Variants in HECW2 observed in about 807,000 individuals in gnomAD.
The protein encoded by HECW2 is E3 ubiquitin-protein ligase HECW2.
In HECW2, 61 loss-of-function variants were observed where a neutral mutation model predicts 175.2. The ratio of observed to expected loss-of-function variants is 0.35; its 90% CI spans 0.28 to 0.43. The LOEUF is 0.43. Ranked by LOEUF, HECW2 falls within the 20% of genes least tolerant of loss-of-function variation. HECW2 has a pLI of 1.00. For synonymous variants in HECW2, 671 were observed against 731.0 expected (o/e 0.92, Z 1.32); for missense variants, 1,524 against 2,000.5 (o/e 0.76, Z 4.54).
intron 15 of HECW2, among the ~76,000 whole-genome samples, chr2:196,277,735 A>G (rs1690010952): frequency 6.6e-6 from 1 of 152,180 alleles, no homozygotes; most frequent in Non-Finnish European, 1.5e-5. Context: ...CCAAATGTCC[A>G]ACAATGATAG....
At chr2:196,290,245 G>A (rs1198624465) in intron 14 of HECW2, 2 of 152,212 alleles carry the variant, frequency 1.3e-5, no homozygotes, top group African/African-American at 4.8e-5. Context: ...GTATAGTCAT[G>A]TTATGAACAT....
At chr2:196,592,829 G>A (rs1691253985) in intron 1 of HECW2, 1 of 150,740 alleles carries the variant, frequency 6.6e-6, no homozygotes, top group African/African-American at 2.4e-5. Context: ...CGGGGCGGGA[G>A]GGCGCCCCCA....
intron 18 of HECW2, among the ~76,000 whole-genome samples, chr2:196,255,870 C>T (rs866020524): frequency 1.3e-5 from 2 of 152,242 alleles, no homozygotes; most frequent in African/African-American, 2.4e-5. Context: ...CTCAGGAGTT[C>T]TTGTCCAGCC....
chr2:196,257,250 A>C (rs1046771665), intron 18 of HECW2, among the ~76,000 whole-genome samples: 2 of 149,496 alleles, frequency 1.3e-5, no homozygotes, highest in Non-Finnish European at 3.0e-5. Context: ...AAAATTTAAA[A>C]CCAAAGCTGA....
At chr2:196,451,444 AAAAAAG>A (rs1478362610) in intron 1 of HECW2, among the ~76,000 whole-genome samples, 2,573 of 150,880 alleles carry the variant, frequency 0.017, 85 homozygotes, top group African/African-American at 0.059. Context: ...AAAAAAAAAA[AAAAAAG>A]AAAAGAAATG....
At chr2:196,359,566 C>T (rs1262508303) in intron 2 of HECW2, among the ~76,000 whole-genome samples, 1 of 152,206 alleles carries the variant, frequency 6.6e-6, no homozygotes, top group Non-Finnish European at 1.5e-5. Flanking sequence ...TAGGATGTTA[C>T]TTTTACATTG....
chr2:196,447,287 A>G (rs951141655), intron 1 of HECW2, among the ~76,000 whole-genome samples: 3 of 152,214 alleles, frequency 2.0e-5, no homozygotes, highest in African/African-American at 7.2e-5. Flanking sequence ...CGGGCTGACA[A>G]TGAAAGCAAA....
intron 19 of HECW2, among the ~76,000 whole-genome samples, chr2:196,243,755 T>A (rs1688550010): frequency 6.6e-6 from 1 of 151,822 alleles, no homozygotes; most frequent in South Asian, 2.1e-4. Context: ...AATTTTGTAT[T>A]TTTAGCAGGG....
intron 1 of HECW2, among the ~76,000 whole-genome samples, chr2:196,571,860 A>C (rs1690401285): frequency 6.6e-6 from 1 of 152,220 alleles, no homozygotes; most frequent in Non-Finnish European, 1.5e-5. Context: ...TAATCACAAT[A>C]GCTAAAAGGT....
intron 1 of HECW2, among the ~76,000 whole-genome samples, chr2:196,489,858 G>A (rs1687125756): frequency 6.6e-6 from 1 of 152,192 alleles, no homozygotes; most frequent in Admixed American, 6.5e-5. Context: ...CTACAGAGAG[G>A]GAAGTGCCAG....
chr2:196,322,502 C>CTCT lies in HECW2; in HGVS notation c.857_859dup (p.Gln286_Arg287insLys). ...CCCGATGGCTTGTCGCTCCAGCAGCCTCTGGACTGGAATGGTTAGTTTCCC... is the reference window on the plus strand; with the variant it reads ...CCCGATGGCTTGTCGCTCCAGCAGCCTCTTCTGGACTGGAATGGTTAGTTTCCC... On this transcript the variant is annotated inframe_insertion, in exon 7 of 29. Transcript: ENST00000644978. 6.2e-7 allele frequency: 1 copy of CTCT among 1,613,930 alleles called. No homozygotes were observed. The highest frequency in any genetic ancestry group is 8.5e-7 in the Non-Finnish European group (1 of 1,179,910).
intron 2 of HECW2, among the ~76,000 whole-genome samples, chr2:196,419,906 T>C (rs548343098): frequency 1.3e-5 from 2 of 152,310 alleles, no homozygotes; most frequent in South Asian, 4.1e-4. Flanking sequence ...TTACCCAATG[T>C]TGAAGTTAAT....
intron 20 of HECW2, among the ~76,000 whole-genome samples, chr2:196,241,187 C>T (rs1688440015): frequency 6.6e-6 from 1 of 152,152 alleles, no homozygotes; most frequent in South Asian, 2.1e-4. Context: ...TATCAATTTG[C>T]TCTTAATGTA....
intron 2 of HECW2, among the ~76,000 whole-genome samples, chr2:196,360,647 C>T (rs1693555970): frequency 6.6e-6 from 1 of 152,162 alleles, no homozygotes; most frequent in Admixed American, 6.5e-5. Flanking sequence ...TCCTGTGACA[C>T]AAGTTTACCT....
At chr2:196,439,563 C>A (rs1486323507) in intron 1 of HECW2, among the ~76,000 whole-genome samples, 1 of 152,118 alleles carries the variant, frequency 6.6e-6, no homozygotes, top group Non-Finnish European at 1.5e-5. Flanking sequence ...AAAGTAATGA[C>A]AACCTCCAAA....
chr2:196,525,668 G>T (rs1688613989), intron 1 of HECW2, among the ~76,000 whole-genome samples: 2 of 150,546 alleles, frequency 1.3e-5, no homozygotes, highest in Admixed American at 1.3e-4. Context: ...TTTAGGGCAG[G>T]CCTGGTGGTG....
chr2:196,541,349 G>A (rs907972938), intron 1 of HECW2, among the ~76,000 whole-genome samples: 8 of 152,042 alleles, frequency 5.3e-5, no homozygotes, highest in Non-Finnish European at 1.0e-4. Flanking sequence ...AAAAGAAAAA[G>A]TGATTATATC....
intron 16 of HECW2, among the ~76,000 whole-genome samples, chr2:196,273,290 A>C (rs1689817490): frequency 6.6e-6 from 1 of 151,998 alleles, no homozygotes; most frequent in South Asian, 2.1e-4. Context: ...GATGGTCTTG[A>C]TCTGTCGACC....
chr2:196,492,992 G>C (rs1207445313), intron 1 of HECW2, among the ~76,000 whole-genome samples: 2 of 152,114 alleles, frequency 1.3e-5, no homozygotes, highest in Admixed American at 1.3e-4. Flanking sequence ...AAGTTATAGG[G>C]GGAATAGAAT....
Sources: allele counts gnomAD v4.1 joint callset (sites outside exome capture counted in the v4.1 genomes callset), GRCh38; gene constraint gnomAD v4.1.1; transcripts MANE v1.5; gene names NCBI Gene and HGNC (gene_info 2026-07-23, HGNC 2026-07-21).